The following NSMF variants were observed in gnomAD, a reference collection of about 807,000 sequenced individuals.
NSMF encodes the protein nasal embryonic LHRH factor.
Under a neutral mutation model 71.0 loss-of-function variants are expected in NSMF, and 31 were observed. The observed-to-expected ratio is 0.44, with a 90% CI of 0.33 to 0.59. The LOEUF is 0.59. Among genes scored for constraint, NSMF ranks in the 20% least tolerant of loss-of-function variants. The pLI is 0.04. For missense variants in NSMF, 673 were observed against 740.5 expected (o/e 0.91, Z 1.06); for synonymous variants, 345 against 287.1 (o/e 1.20, Z -2.04).
At chr9:137,455,821 G>A (rs916526222) in intron 4 of NSMF, among the ~76,000 whole-genome samples, 187 bp from the exon 5 acceptor site, 1 of 152,264 alleles carries the variant, frequency 6.6e-6, no homozygotes, top group African/African-American at 2.4e-5. Context: ...AATGGGCAAC[G>A]GAAGCTGATG....
At chr9:137,450,096 AG>A in intron 13 of NSMF, 71 bp from the exon 14 acceptor site, 1 of 1,579,830 alleles carries the variant, frequency 6.3e-7, no homozygotes, top group Admixed American at 1.7e-5. Context: ...ACCGTGGAGG[AG>A]GGGCTGTGGG....
Position 137,449,659 on chromosome 9 carries a change from T to C in NSMF, c.1435A>G (p.Arg479Gly), listed in dbSNP as rs1174502792. The change falls in exon 15 of 16, where the codon AGG becomes GGG. Residue 479 changes from arginine (R) to glycine (G), a missense_variant. Arg to Gly is a moderately radical substitution (Grantham distance 125, BLOSUM62 -2). Coordinates refer to ENST00000371475, the MANE Select transcript of NSMF (RefSeq NM_001130969.3). ...ACCCTATAAGGAGTCATGAGGGTCC[T>C]GAGGTTCTGGAACAGCTGGAGGAAG... ...PNGEKLFQNLRTLMTPYRVTF... is the reference protein window; with the variant it reads ...PNGEKLFQNLGTLMTPYRVTF... 5 of 1,612,406 alleles carry C rather than the reference T, an allele frequency of 3.1e-6. No homozygotes were observed. The highest frequency in any genetic ancestry group is 4.2e-6 in the Non-Finnish European group (5 of 1,179,646).
chr9:137,458,509 G>T lies in NSMF; in HGVS notation c.112C>A (p.Pro38Thr). The change falls in exon 2 of 16, where the codon CCT (proline) becomes ACT (threonine). Residue 38 changes from proline (P) to threonine (T), a missense_variant. By Grantham distance (38) the Pro-to-Thr change is conservative (BLOSUM62 -1). This residue lies in a region of NSMF where 471 missense variants were observed against 459.6 expected (regional missense o/e 1.02). Transcript: ENST00000371475. The stretch of plus-strand genomic sequence containing the variant: ...CTACCTGCGCCGTTGCGGTTCTCAG[G>T]GTGACTCTGGGACAGGTACTCTCCA... Reference protein sequence around the residue: ...AFGEYLSQSHPENRNGADHLL... With the variant: ...AFGEYLSQSHTENRNGADHLL... The T allele has an allele frequency of 6.3e-7, 1 of 1,596,830 alleles. No individual in the cohort carries two copies. The highest frequency in any genetic ancestry group is 2.3e-5 in the East Asian group (1 of 43,784).
chr9:137,453,488 G>A lies in NSMF; in HGVS notation c.922+243C>T. 2 of 597,898 alleles carry A rather than the reference G, an allele frequency of 3.3e-6. No individual in the cohort carries two copies. The highest frequency in any genetic ancestry group is 3.0e-5 in the Admixed American group (1 of 33,384). 37.0% of individuals were successfully genotyped at this position (597,898 alleles called of 1,614,324 possible). ...GGCACCGCAGCCCCCTGCCCCTGAGGGCCTCTTGCGAGTGGCGGTGGGCAC... is the reference window on the plus strand; with the variant it reads ...GGCACCGCAGCCCCCTGCCCCTGAGAGCCTCTTGCGAGTGGCGGTGGGCAC... On this transcript the variant is annotated intron_variant, in intron 8 of 15. Transcript: ENST00000371475. This position sits in a 1 kb window ranked among gnomAD's most constrained non-coding sequence, Gnocchi z 4.5.
rs1432929040 is a variant in NSMF, at chr9:137,452,802, C to G, written c.1065G>C (p.Val355=). 2 of 1,603,818 alleles carry G rather than the reference C, an allele frequency of 1.2e-6. No homozygotes were observed. The highest frequency in any genetic ancestry group is 1.7e-6 in the Non-Finnish European group (2 of 1,176,556). The change falls in exon 10 of 16, where the codon GTG becomes GTC. Residue 355 remains valine, a synonymous_variant. Transcript: ENST00000371475. ...TAGTGGGGATGTACTCAGCCTTGGG[C>G]ACCTTGGAGGAAATGAGCTGCGGAG... The part of the protein sequence containing the change: ...PPKVMLISSK[V]PKAEYIPTII...
chr9:137,453,547 G>C lies in NSMF; in HGVS notation c.922+184C>G. ...AGGCGCCCCCGGCCAGCACTGCCGC[G>C]GCCGTTGTTAGCCCCGCCTTTGCGA... On this transcript the variant is annotated intron_variant, in intron 8 of 15. Transcript: ENST00000371475. The surrounding 1 kb of genome is among the most constrained non-coding windows in gnomAD (Gnocchi z 4.5). 1 of 617,548 alleles carries C rather than the reference G, an allele frequency of 1.6e-6. No homozygotes were observed. Among genetic ancestry groups the C allele is most frequent in the Middle Eastern group, 4.4e-4 (1 of 2,266 alleles). 38.3% of individuals were successfully genotyped at this position (617,548 alleles called of 1,614,324 possible).
Position 137,459,202 on chromosome 9 carries a change from G to T in NSMF, c.-100C>A, listed in dbSNP as rs1432648685. On this transcript the variant is annotated 5_prime_UTR_variant, in exon 1 of 16. Transcript: ENST00000371475. The stretch of plus-strand genomic sequence containing the variant: ...CGCACCGGGGGTCGCGCTCGGGCTC[G>T]GGCTCGGGGTCTCGCTCGGGCTCCG... 6 of 902,652 alleles carry T rather than the reference G, an allele frequency of 6.6e-6. No homozygotes were observed. In the Admixed American group the frequency reaches 2.1e-4, roughly 32 times the overall value. 55.9% of individuals were successfully genotyped at this position (902,652 alleles called of 1,614,324 possible).
rs1231145547 is a variant in NSMF, at chr9:137,452,346, G to A, written c.1236+19C>T. ...ACCACGATTCTTCTCCTGGTCAGGA[G>A]ACGAGCACTGAGCCCCACCTGGCAG... On this transcript the variant is annotated intron_variant, in intron 12 of 15. Coordinates refer to ENST00000371475, the MANE Select transcript of NSMF (RefSeq NM_001130969.3). The A allele has an allele frequency of 1.9e-6, 3 of 1,609,412 alleles. No individual in the cohort carries two copies. The highest frequency in any genetic ancestry group is 8.5e-7 in the Non-Finnish European group (1 of 1,178,768).
At chr9:137,449,773 C>A in intron 14 of NSMF, 99 bp from the exon 15 acceptor site, 1 of 1,336,548 alleles carries the variant, frequency 7.5e-7, no homozygotes, top group South Asian at 1.2e-5. Context: ...TTTCAGACCC[C>A]CCAAACCTGG....
rs1394546614 is a variant in NSMF at position 137,454,730 on chromosome 9, C to T, written c.780-287G>A. On this transcript the variant is annotated intron_variant, in intron 6 of 15. Transcript: ENST00000371475. ...CATTCCCAGGCTCTGACCTTCCGTCCTCGCCCGGGACTTACGCCCTGAGCC... is the reference window on the plus strand; with the variant it reads ...CATTCCCAGGCTCTGACCTTCCGTCTTCGCCCGGGACTTACGCCCTGAGCC... 5 of 1,488,000 alleles carry T rather than the reference C, an allele frequency of 3.4e-6. No individual in the cohort carries two copies. In the Admixed American group the frequency reaches 1.0e-4, roughly 30 times the overall value. The allele number at this position is 1,488,000 out of a possible 1,614,324, so 92.2% of individuals were successfully genotyped here. A position where few individuals can be genotyped will look rare whatever the true frequency, so the allele number is the denominator to read the frequency against.
chr9:137,454,339 C>A, intron 7 of NSMF, 52 bp downstream of exon 7: 3 of 1,520,512 alleles, frequency 2.0e-6, no homozygotes, highest in Non-Finnish European at 1.8e-6. Flanking sequence ...AGCAAAGCCC[C>A]AACCAGCCAA....
In NSMF at chr9:137,453,893, G is replaced by C. The variant is rs1397962150; in HGVS notation, c.833-73C>G. On this transcript the variant is annotated intron_variant, in intron 7 of 15. Coordinates refer to ENST00000371475, the MANE Select transcript of NSMF (RefSeq NM_001130969.3). This position sits in a 1 kb window ranked among gnomAD's most constrained non-coding sequence, Gnocchi z 4.5. ...GGGAGTCTCAGACCCCAGGCGAGGG[G>C]ACCACAGGGGCCCTGGGCAGAGGAG... The C allele has an allele frequency of 3.1e-6, 4 of 1,277,750 alleles. No individual in the cohort carries two copies. The highest frequency in any genetic ancestry group is 4.0e-5 in the Admixed American group (2 of 49,994). The allele number at this position is 1,277,750 out of a possible 1,614,324, so 79.2% of individuals were successfully genotyped here.
Position 137,449,651 on chromosome 9 carries a change from G to A in NSMF, c.1443C>T (p.Leu481=). 1 of 1,612,640 alleles carries A rather than the reference G, an allele frequency of 6.2e-7. No individual in the cohort carries two copies. The highest frequency in any genetic ancestry group is 8.5e-7 in the Non-Finnish European group (1 of 1,179,704). The change falls in exon 15 of 16, where the codon CTC becomes CTT. Residue 481 remains leucine (L), a synonymous_variant. Transcript: ENST00000371475. ...GEKLFQNLRT[L]MTPYRVTFES... is the part of the protein sequence containing the mutation. ...CGAAGGTGACCCTATAAGGAGTCATGAGGGTCCTGAGGTTCTGGAACAGCT... is the reference window on the plus strand; with the variant it reads ...CGAAGGTGACCCTATAAGGAGTCATAAGGGTCCTGAGGTTCTGGAACAGCT...
chr9:137,451,408 C>A (rs1239033079), intron 12 of NSMF, among the ~76,000 whole-genome samples: 1 of 7,028 alleles, frequency 1.4e-4, no homozygotes, highest in Non-Finnish European at 2.7e-4. Flanking sequence ...CGTCTCTTCC[C>A]CTTGATCTCC....
At position 137,452,270 on chromosome 9, in the gene NSMF, C is replaced by T. The variant is rs550116045; in HGVS notation, c.1236+95G>A. The T allele has an allele frequency of 5.1e-4, 445 of 880,852 alleles. 2 individuals are homozygous for T. Among genetic ancestry groups the T allele is most frequent in the Non-Finnish European group, 6.8e-4 (397 of 584,802 alleles). 54.6% of individuals were successfully genotyped at this position (880,852 alleles called of 1,614,324 possible). A position where few individuals can be genotyped will look rare whatever the true frequency, so the allele number is the denominator to read the frequency against. On this transcript the variant is annotated intron_variant, in intron 12 of 15. Coordinates refer to ENST00000371475, the MANE Select transcript of NSMF (RefSeq NM_001130969.3). ...CTTGGTCTCCCCACCCCAACCTCTTCCCCTTGGTCTCCCCCAACTTGACTT... is the reference window on the plus strand; with the variant it reads ...CTTGGTCTCCCCACCCCAACCTCTTTCCCTTGGTCTCCCCCAACTTGACTT...
chr9:137,453,736 C>G lies in NSMF; in HGVS notation c.917G>C (p.Arg306Pro). 6.2e-7 allele frequency: 1 copy of G among 1,600,860 alleles called. No individual in the cohort carries two copies. Among genetic ancestry groups the G allele is most frequent in the Non-Finnish European group, 8.5e-7 (1 of 1,177,578 alleles). ...PMKADTSHDS[R>P]DSSDLQSSHC... ...GGCCTGTGCGGGGCACCTACTGTCT[C>G]GGGAGTCGTGGGAAGTGTCGGCTTT... Residue 306 changes from arginine to proline, a missense_variant, in exon 8 of 16, where the codon CGA becomes CCA. By Grantham distance (103) the Arg-to-Pro change is moderately radical. Around this residue, in one of 2 missense-constraint regions of NSMF, gnomAD observed 471 missense variants for 459.6 expected, o/e 1.02. Coordinates refer to ENST00000371475, the MANE Select transcript of NSMF (RefSeq NM_001130969.3). This position sits in a 1 kb window ranked among gnomAD's most constrained non-coding sequence, Gnocchi z 4.5.
At chr9:137,450,089 G>T (rs73565598) in intron 13 of NSMF, 64 bp from the exon 14 acceptor site, 43 of 1,582,948 alleles carry the variant, frequency 2.7e-5, no homozygotes, top group Non-Finnish European at 3.5e-5. Flanking sequence ...AGAGCGGACC[G>T]TGGAGGAGGG....
At chr9:137,454,561 C>A in intron 6 of NSMF, 118 bp from the exon 7 acceptor site, 1 of 1,548,248 alleles carries the variant, frequency 6.5e-7, no homozygotes, top group South Asian at 1.2e-5. Context: ...GAAGCCAGTG[C>A]TCTCCCTGGC....
chr9:137,455,115 G>C, intron 6 of NSMF, 124 bp downstream of exon 6: 1 of 1,060,400 alleles, frequency 9.4e-7, no homozygotes, highest in East Asian at 2.4e-5. Context: ...CGTCCCCAGA[G>C]CAGGGCCAGG....
Sources: gnomAD v4.1 joint callset for allele counts (sites outside exome capture counted in the v4.1 genomes callset) on GRCh38, gnomAD v4.1.1 for gene constraint, gnomAD v4.1.1 regional missense constraint, Gnocchi (gnomAD v3.1) non-coding constraint, MANE v1.5 for transcripts, NCBI Gene and HGNC (gene_info 2026-07-23, HGNC 2026-07-21) for gene names.